Variants in ZNF469 observed in about 807,000 individuals in gnomAD.
ZNF469 encodes the protein zinc finger protein 469.
Under a neutral mutation model 1.0 loss-of-function variants are expected in ZNF469, and 1 was observed. That is an observed-to-expected ratio of 1.00 (90% CI 0.35 to 4.73). The LOEUF (loss-of-function observed/expected upper bound fraction) is 4.73. Ranked by LOEUF, ZNF469 falls within the 30% of genes most tolerant of loss-of-function variation. The pLI is 0.16. For missense variants in ZNF469, 6,100 were observed against 5,356.3 expected, an observed-to-expected ratio of 1.14 and a Z score of -4.33; for synonymous variants, 2,703 against 2,363.4, an observed-to-expected ratio of 1.14 and a Z score of -4.17.
At chr16:88,123,140 C>A in the ZNF469 span, among the ~76,000 whole-genome samples, 3 of 152,178 alleles carry the variant, frequency 2.0e-5, no homozygotes, top group African/African-American at 7.2e-5. Context: ...CCAGCACCAT[C>A]CCGAGACTAC....
At chr16:88,199,868 C>A in the ZNF469 span, among the ~76,000 whole-genome samples, 1 of 152,234 alleles carries the variant, frequency 6.6e-6, no homozygotes, top group Non-Finnish European at 1.5e-5. Context: ...GATCAAGCCT[C>A]TCTGAGTCCT....
chr16:88,275,061 A>C, the ZNF469 span, among the ~76,000 whole-genome samples: 1 of 152,108 alleles, frequency 6.6e-6, no homozygotes, highest in Non-Finnish European at 1.5e-5. Context: ...GGGTGTCCCC[A>C]CCCCCATGTC....
chr16:88,248,110 C>A, the ZNF469 span, among the ~76,000 whole-genome samples: 1 of 152,132 alleles, frequency 6.6e-6, no homozygotes, highest in Non-Finnish European at 1.5e-5. Context: ...GCCAGAGAAC[C>A]AGTCTCTGAC....
At chr16:88,112,805 T>A in the ZNF469 span, among the ~76,000 whole-genome samples, 1 of 118,662 alleles carries the variant, frequency 8.4e-6, no homozygotes, top group Non-Finnish European at 1.7e-5. Flanking sequence ...TGAGATGGAG[T>A]CTTGCTCTGT....
At chr16:88,222,145 G>C in the ZNF469 span, among the ~76,000 whole-genome samples, 2 of 152,188 alleles carry the variant, frequency 1.3e-5, no homozygotes, top group African/African-American at 4.8e-5. Context: ...CTGAAATGCA[G>C]TTTCAGAATG....
At chr16:88,309,257 A>G in the ZNF469 span, among the ~76,000 whole-genome samples, 2 of 152,210 alleles carry the variant, frequency 1.3e-5, no homozygotes, top group Admixed American at 1.3e-4. Context: ...GTGTGCTGGC[A>G]ATTTGAGGAG....
the ZNF469 span, among the ~76,000 whole-genome samples, chr16:88,240,034 C>CG: frequency 1.3e-5 from 2 of 150,488 alleles, no homozygotes; most frequent in Admixed American, 1.3e-4. Context: ...GGCCTGTGCT[C>CG]GGGGCCATCG....
the ZNF469 span, among the ~76,000 whole-genome samples, chr16:88,139,764 G>T: frequency 6.6e-6 from 1 of 152,214 alleles, no homozygotes; most frequent in Non-Finnish European, 1.5e-5. Flanking sequence ...GTAGAGGAAA[G>T]AAGTTTCCCA....
At chr16:88,171,707 C>T in the ZNF469 span, among the ~76,000 whole-genome samples, 19 of 152,298 alleles carry the variant, frequency 1.2e-4, no homozygotes, top group South Asian at 2.9e-3. Flanking sequence ...CCCATCGCTG[C>T]GTTACCCTGG....
the ZNF469 span, among the ~76,000 whole-genome samples, chr16:88,222,507 C>T: frequency 6.6e-6 from 1 of 152,206 alleles, no homozygotes; most frequent in African/African-American, 2.4e-5. Flanking sequence ...CCTGTAATCC[C>T]AGCACCATGG....
At chr16:88,406,526 C>G (rs1042369645) in intron 1 of ZNF469, among the ~76,000 whole-genome samples, 1 of 152,208 alleles carries the variant, frequency 6.6e-6, no homozygotes, top group Non-Finnish European at 1.5e-5. Context: ...TCCAGGTTAT[C>G]GGAAGGACCC....
At chr16:88,161,189 C>A in the ZNF469 span, among the ~76,000 whole-genome samples, 1 of 150,652 alleles carries the variant, frequency 6.6e-6, no homozygotes, top group Non-Finnish European at 1.5e-5. Context: ...TTTATTAATT[C>A]CATTGAAAAG....
At chr16:88,230,013 C>T in the ZNF469 span, among the ~76,000 whole-genome samples, 1 of 152,192 alleles carries the variant, frequency 6.6e-6, no homozygotes, top group Non-Finnish European at 1.5e-5. Flanking sequence ...CCCTTTCTGT[C>T]CGGTCCTCAT....
the ZNF469 span, among the ~76,000 whole-genome samples, chr16:88,159,525 G>A: frequency 2.8e-3 from 430 of 152,232 alleles, 3 homozygotes; most frequent in African/African-American, 9.9e-3. Context: ...ACGGATGAGC[G>A]CAGAGTGTGG....
upstream of ZNF469, among the ~76,000 whole-genome samples, chr16:88,380,389 A>ACG (rs1567495317): frequency 8.4e-6 from 1 of 119,594 alleles, no homozygotes; most frequent in African/African-American, 5.4e-5. Context: ...ACGCACTCAC[A>ACG]GACACGCCCT....
the ZNF469 span, among the ~76,000 whole-genome samples, chr16:88,269,867 G>C: frequency 6.6e-6 from 1 of 152,070 alleles, no homozygotes; most frequent in Admixed American, 6.5e-5. Flanking sequence ...TGACTTCCCG[G>C]CGTAGATGCT....
At chr16:88,345,173 G>A in the ZNF469 span, among the ~76,000 whole-genome samples, 3 of 152,110 alleles carry the variant, frequency 2.0e-5, no homozygotes, top group Non-Finnish European at 2.9e-5. Flanking sequence ...GCCCCCTCCC[G>A]GGCACCCAGG....
the ZNF469 span, among the ~76,000 whole-genome samples, chr16:88,345,549 C>T: frequency 2.0e-4 from 30 of 152,264 alleles, no homozygotes; most frequent in Non-Finnish European, 3.5e-4. Flanking sequence ...CGTCACTGCC[C>T]TCTGTAAGAC....
the ZNF469 span, among the ~76,000 whole-genome samples, chr16:88,209,464 T>C: frequency 2.0e-5 from 3 of 151,920 alleles, no homozygotes; most frequent in African/African-American, 4.8e-5. Flanking sequence ...CTAATTTTTG[T>C]GTATTTTTAG....
Sources: allele counts gnomAD v4.1 joint callset (sites outside exome capture counted in the v4.1 genomes callset), GRCh38; gene constraint gnomAD v4.1.1; transcripts MANE v1.5; gene names NCBI Gene and HGNC (gene_info 2026-07-23, HGNC 2026-07-21).